The following LRRK2 variants were observed in gnomAD, a reference collection of about 807,000 sequenced individuals.
LRRK2 encodes leucine rich repeat kinase 2.
A neutral mutation model predicts 302.6 loss-of-function variants in LRRK2; 203 were observed. The ratio of observed to expected loss-of-function variants is 0.67; its 90% CI spans 0.60 to 0.75. LRRK2 has a LOEUF of 0.75. LRRK2 is among the 30% of genes least tolerant of loss of function. The probability of loss-of-function intolerance (pLI) is 0.00; values close to 1 mark genes in which losing one functional copy is unlikely to be tolerated. For synonymous variants in LRRK2, 1,066 were observed against 1,031.9 expected (o/e 1.03, Z -0.63); for missense variants, 2,830 against 2,951.0 (o/e 0.96, Z 0.95).
Position 40,314,142 on chromosome 12 carries a change from TC to T in LRRK2, c.4709del (p.Pro1570LeufsTer7). On this transcript the variant is annotated frameshift_variant, in exon 32 of 51. Transcript: ENST00000298910. LOFTEE classifies it high-confidence loss of function. ...NQLQLDENEL[P>X]HAVHFLNESG... is the part of the protein sequence containing the mutation. ...AGCTGCAGTTAGATGAAAATGAGCT[TC>T]CTCACGCAGTTCACTTTCTAAATGA... is the stretch of plus-strand genomic sequence containing the variant. The T allele has an allele frequency of 1.9e-6, 3 of 1,612,620 alleles. No individual in the cohort carries two copies. The highest frequency in any genetic ancestry group is 2.5e-6 in the Non-Finnish European group (3 of 1,178,920).
In LRRK2 at chr12:40,295,478, T is replaced by C. The variant is rs200171409; in HGVS notation, c.2930T>C (p.Leu977Pro). The C allele has an allele frequency of 8.1e-6, 13 of 1,613,718 alleles. No homozygotes were observed. In the African/African-American group the frequency reaches 1.2e-4, roughly 15 times the overall value. ...AGGCATTCAGACAGCATTTCTTCTCTGGCTTCTGAGAGAGAATATATTACA... is the reference window on the plus strand; with the variant it reads ...AGGCATTCAGACAGCATTTCTTCTCCGGCTTCTGAGAGAGAATATATTACA... Reference protein sequence around the residue: ...HMRHSDSISSLASEREYITSL... With the variant: ...HMRHSDSISSPASEREYITSL... Residue 977 changes from leucine (L) to proline (P), a missense_variant, in exon 23 of 51, where the codon CTG (leucine) becomes CCG (proline). Transcript: ENST00000298910.
chr12:40,236,085 C>G (rs537070941), intron 4 of LRRK2, among the ~76,000 whole-genome samples: 88 of 152,142 alleles, frequency 5.8e-4, no homozygotes, highest in Admixed American at 8.5e-4. Context: ...ATCTCATATT[C>G]CCCCAGGTTA....
In LRRK2 at chr12:40,359,443, C is replaced by T. The variant is rs1448344529; in HGVS notation, c.7027C>T (p.Leu2343=). 9.3e-6 allele frequency: 15 copies of T among 1,612,204 alleles called. No individual in the cohort carries two copies. The highest frequency in any genetic ancestry group is 1.3e-5 in the African/African-American group (1 of 74,834). ...QKLIETRTSQ[L]FSYAAFSDSN... is the part of the protein sequence containing the mutation. ...ACTCATTGAGACAAGAACAAGCCAA[C>T]TGTAAGTTATTTTTTATCTGTACAA... The change falls in exon 47 of 51, where the codon CTG becomes TTG. Residue 2343 remains leucine (L), a splice_region_variant and synonymous_variant. Coordinates refer to ENST00000298910, the MANE Select transcript of LRRK2 (RefSeq NM_198578.4).
Position 40,299,101 on chromosome 12 carries a change from G to A in LRRK2, c.3348-8G>A, listed in dbSNP as rs1398638541. On this transcript the variant is annotated splice_region_variant and splice_polypyrimidine_tract_variant and intron_variant, in intron 24 of 50. Coordinates refer to ENST00000298910, the MANE Select transcript of LRRK2 (RefSeq NM_198578.4). The stretch of plus-strand genomic sequence containing the variant: ...CAATTTAATCATTATCTTGTCTCTT[G>A]TGACTAGAAATAAAATATCAGGGAT... 1 of 1,611,580 alleles carries A rather than the reference G, an allele frequency of 6.2e-7. No individual in the cohort carries two copies. The highest frequency in any genetic ancestry group is 1.3e-5 in the African/African-American group (1 of 74,694).
rs1943535597 is a variant in LRRK2 at position 40,278,071 on chromosome 12, C to G, written c.2071-20C>G. ...GTTATGTATTTATCTGACTCTAATT[C>G]TCATTTCCACTCTTTTTAGTTTCTA... On this transcript the variant is annotated intron_variant, in intron 17 of 50. Transcript: ENST00000298910. 1 of 1,613,884 alleles carries G rather than the reference C, an allele frequency of 6.2e-7. No individual in the cohort carries two copies.
chr12:40,272,244 CAG>C lies in LRRK2; in HGVS notation c.1657-2337_1657-2336del, dbSNP rs1240266241. 2.0e-5 allele frequency among the ~76,000 whole-genome samples: 3 copies of C among 152,150 alleles called. No individual in the cohort carries two copies. In the East Asian group the frequency reaches 5.8e-4, roughly 29 times the overall value. ...AGGAATGCTGGTACTGTTAATCAAA[CAG>C]AAAGTTCAGAATGACAATCTGACTT... On this transcript the variant is annotated intron_variant, in intron 14 of 50. Coordinates refer to ENST00000298910, the MANE Select transcript of LRRK2 (RefSeq NM_198578.4).
intron 33 of LRRK2, among the ~76,000 whole-genome samples, chr12:40,316,658 TGTAA>T (rs1592279000): frequency 6.6e-6 from 1 of 152,042 alleles, no homozygotes; most frequent in African/African-American, 2.4e-5. Flanking sequence ...CCTGGTTCAG[TGTAA>T]GTGAGGGGTA....
At chr12:40,291,311 G>A (rs892842410) in intron 20 of LRRK2, among the ~76,000 whole-genome samples, 5 of 151,814 alleles carry the variant, frequency 3.3e-5, no homozygotes, top group African/African-American at 1.2e-4. Context: ...GATAGCATTA[G>A]GAGATACACC....
intron 3 of LRRK2, among the ~76,000 whole-genome samples, chr12:40,235,154 C>T (rs1475448176): frequency 6.6e-6 from 1 of 152,102 alleles, no homozygotes; most frequent in African/African-American, 2.4e-5. Context: ...TTTTTATAAG[C>T]CTGGTTCAGG....
chr12:40,367,069 A>G lies in LRRK2; in HGVS notation c.7454A>G (p.Lys2485Arg), dbSNP rs745362408. ...YNRKNTEGTQKQKEIQSCLTV... is the reference protein window; with the variant it reads ...YNRKNTEGTQRQKEIQSCLTV... ...CGGAAAAATACTGAAGGTACACAAA[A>G]GCAGAAAGGTAACATTTAGAAGGAT... The change falls in exon 50 of 51, where the codon AAG (lysine) becomes AGG (arginine). Residue 2485 changes from lysine (K) to arginine (R), a missense_variant. This residue lies in a region of LRRK2 where 456 missense variants were observed against 456.3 expected (regional missense o/e 1.00). Transcript: ENST00000298910. 6.2e-7 allele frequency: 1 copy of G among 1,608,438 alleles called. No individual in the cohort carries two copies. The highest frequency in any genetic ancestry group is 1.1e-5 in the South Asian group (1 of 90,970).
chr12:40,276,313 T>G (rs1285510307), intron 16 of LRRK2, among the ~76,000 whole-genome samples: 1 of 152,134 alleles, frequency 6.6e-6, no homozygotes, highest in Non-Finnish European at 1.5e-5. Context: ...CTTTGTTTTT[T>G]GAGACAGAGT....
chr12:40,308,378 A>G, intron 28 of LRRK2, 89 bp from the exon 29 acceptor site: 2 of 962,946 alleles, frequency 2.1e-6, no homozygotes, highest in Non-Finnish European at 3.2e-6. Context: ...ACTATATTTT[A>G]GAATAGTGTG....
rs778737765 is a variant in LRRK2 at position 40,284,180 on chromosome 12, A to AT, written c.2500+54dup. 1.6e-4 allele frequency: 239 copies of AT among 1,525,786 alleles called. No individual in the cohort carries two copies. The African/African-American group carries it at 2.8e-3, about 18-fold the overall frequency. 94.5% of individuals were successfully genotyped at this position (1,525,786 alleles called of 1,614,324 possible). A position where few individuals can be genotyped will look rare whatever the true frequency, so the allele number is the denominator to read the frequency against. On this transcript the variant is annotated intron_variant, in intron 19 of 50. Coordinates refer to ENST00000298910, the MANE Select transcript of LRRK2 (RefSeq NM_198578.4). ...TTTTACAATTCTTATTTTTAATAGT[A>AT]TTTTTTTAAGTCACTAGTCTTTTAG... is the stretch of plus-strand genomic sequence containing the variant.
intron 1 of LRRK2, 122 bp from the exon 2 acceptor site, chr12:40,225,433 G>A: frequency 1.6e-6 from 2 of 1,264,558 alleles, no homozygotes; most frequent in Non-Finnish European, 2.3e-6. Flanking sequence ...AGGGCAGAAA[G>A]CAGCTGAGAA....
At chr12:40,298,778 A>AATATATTTAT (rs1944481225) in intron 24 of LRRK2, among the ~76,000 whole-genome samples, 1 of 60,636 alleles carries the variant, frequency 1.6e-5, no homozygotes, top group Non-Finnish European at 3.2e-5. Context: ...GTCTCAAAGA[A>AATATATTTAT]ATATATATAT....
chr12:40,237,834 C>CAAAT (rs2136420781), intron 4 of LRRK2, 135 bp from the exon 5 acceptor site: 2 of 930,878 alleles, frequency 2.1e-6, no homozygotes, highest in Non-Finnish European at 3.3e-6. Flanking sequence ...AACAAACAAA[C>CAAAT]AAACAAACAA....
chr12:40,293,232 A>T (rs560396788), intron 20 of LRRK2, among the ~76,000 whole-genome samples: 5 of 152,160 alleles, frequency 3.3e-5, no homozygotes, highest in African/African-American at 1.2e-4. Context: ...TTCCTGCTGG[A>T]CTATGAGCTC....
intron 31 of LRRK2, among the ~76,000 whole-genome samples, chr12:40,310,958 T>G (rs1945017446): frequency 6.6e-6 from 1 of 152,158 alleles, no homozygotes; most frequent in African/African-American, 2.4e-5. Context: ...TGATTCAACT[T>G]CTTATAGTGG....
intron 30 of LRRK2, 76 bp from the exon 31 acceptor site, chr12:40,310,355 A>G: frequency 2.9e-6 from 4 of 1,367,352 alleles, no homozygotes; most frequent in Non-Finnish European, 4.2e-6. Flanking sequence ...ATGTCACGGA[A>G]AGCAAATATC....
Sources: allele counts gnomAD v4.1 joint callset (sites outside exome capture counted in the v4.1 genomes callset), GRCh38; gene constraint gnomAD v4.1.1; regional missense constraint gnomAD v4.1.1; transcripts MANE v1.5; gene names NCBI Gene and HGNC (gene_info 2026-07-23, HGNC 2026-07-21).